Variants in GLIS3 observed in about 807,000 individuals in gnomAD.
GLIS3 encodes the protein GLIS family zinc finger 3.
In GLIS3, 53 loss-of-function variants were observed where a neutral mutation model predicts 78.6. That is an observed-to-expected ratio of 0.67 (90% CI 0.54 to 0.85). GLIS3 has a LOEUF of 0.85. GLIS3 is among the 40% of genes least tolerant of loss of function. The pLI, the probability that GLIS3 is intolerant of heterozygous loss-of-function variation, is 0.00. For missense variants in GLIS3, 1,703 were observed against 1,231.1 expected, an observed-to-expected ratio of 1.38 and a Z score of -5.74; for synonymous variants, 684 against 509.9, an observed-to-expected ratio of 1.34 and a Z score of -4.60.
At chr9:4,269,563 A>G (rs1290214934) in intron 2 of GLIS3, among the ~76,000 whole-genome samples, 1 of 152,170 alleles carries the variant, frequency 6.6e-6, no homozygotes, top group East Asian at 1.9e-4. Flanking sequence ...ATTTTACCTG[A>G]TTTCATATTT....
At chr9:4,434,209 C>G in the GLIS3 span, among the ~76,000 whole-genome samples, 1 of 151,960 alleles carries the variant, frequency 6.6e-6, no homozygotes, top group Non-Finnish European at 1.5e-5. Context: ...AGTTATTTAT[C>G]CATGTATTTA....
At chr9:3,984,869 G>A (rs553437833) in intron 4 of GLIS3, among the ~76,000 whole-genome samples, 6 of 152,230 alleles carry the variant, frequency 3.9e-5, no homozygotes, top group East Asian at 3.9e-4. Flanking sequence ...TGAGTCTCGC[G>A]AGATCTGATG....
At chr9:4,445,891 T>A in the GLIS3 span, among the ~76,000 whole-genome samples, 1 of 152,200 alleles carries the variant, frequency 6.6e-6, no homozygotes, top group African/African-American at 2.4e-5. Context: ...ACCTGTGCCA[T>A]CCAAGAGGAC....
the GLIS3 span, among the ~76,000 whole-genome samples, chr9:4,355,456 T>C: frequency 6.6e-6 from 1 of 152,164 alleles, no homozygotes. Context: ...CTAGGAACAA[T>C]AACTTGGCAC....
intron 9 of GLIS3, among the ~76,000 whole-genome samples, chr9:3,846,865 C>A (rs1316894308): frequency 6.6e-6 from 1 of 152,132 alleles, no homozygotes; most frequent in Non-Finnish European, 1.5e-5. Flanking sequence ...AGGTCTCAGG[C>A]AGATGGTAAG....
the GLIS3 span, among the ~76,000 whole-genome samples, chr9:4,357,942 C>G: frequency 6.6e-6 from 1 of 152,102 alleles, no homozygotes. Flanking sequence ...ATTAGAGGGT[C>G]ATTAAACAAG....
chr9:4,126,119 T>C (rs1832557111), intron 2 of GLIS3, among the ~76,000 whole-genome samples, 178 bp from the exon 3 acceptor site: 1 of 152,090 alleles, frequency 6.6e-6, no homozygotes, highest in Non-Finnish European at 1.5e-5. Context: ...GCCATAACGC[T>C]ATAATAGAAA....
chr9:4,306,226 C>T (rs1417660376), intron 4 of GLIS3, among the ~76,000 whole-genome samples: 4 of 150,284 alleles, frequency 2.7e-5, no homozygotes, highest in East Asian at 2.0e-4. Context: ...ACTACAGGTG[C>T]GTGCCCAGCT....
intron 6 of GLIS3, among the ~76,000 whole-genome samples, chr9:3,915,822 A>G (rs1222711567): frequency 6.6e-6 from 1 of 152,208 alleles, no homozygotes; most frequent in Non-Finnish European, 1.5e-5. Context: ...TTAGTTCACT[A>G]GAAATAAATT....
chr9:4,370,579 G>C, the GLIS3 span, among the ~76,000 whole-genome samples: 1 of 152,062 alleles, frequency 6.6e-6, no homozygotes, highest in Admixed American at 6.5e-5. Flanking sequence ...ATCTGAAACT[G>C]TGCCTCGTGT....
At chr9:4,026,088 G>A (rs1823317132) in intron 4 of GLIS3, among the ~76,000 whole-genome samples, 1 of 152,114 alleles carries the variant, frequency 6.6e-6, no homozygotes, top group Non-Finnish European at 1.5e-5. Flanking sequence ...ATTATAAATA[G>A]TAAAAAACCT....
chr9:4,211,034 G>C (rs1002816769), intron 2 of GLIS3, among the ~76,000 whole-genome samples: 2 of 152,208 alleles, frequency 1.3e-5, no homozygotes, highest in East Asian at 3.9e-4. Context: ...TGTCTTGCAA[G>C]GTTAGGCTGT....
rs1231416662 is a variant in GLIS3, at chr9:4,327,622, C to T, written n.265-17094G>A. On this transcript the variant is annotated intron_variant and non_coding_transcript_variant, in intron 2 of 4. Transcript: ENST00000471664. ...GAGCTCTCTGCTTTGTGAAGCTGGC[C>T]GGAAAGGACCTTCAGACCCACTGAA... 5.3e-5 allele frequency among the ~76,000 whole-genome samples: 8 copies of T among 152,232 alleles called. No individual in the cohort carries two copies. In the East Asian group the frequency reaches 9.7e-4, roughly 18 times the overall value.
chr9:4,059,687 T>A (rs138208115), intron 4 of GLIS3, among the ~76,000 whole-genome samples: 2 of 152,270 alleles, frequency 1.3e-5, no homozygotes, highest in African/African-American at 4.8e-5. Context: ...TAAGTTGGGC[T>A]ACTTTCTTCT....
chr9:4,348,223 C>T (rs1817919708), intron 1 of GLIS3: 1 of 152,142 alleles, frequency 6.6e-6, no homozygotes, highest in South Asian at 2.1e-4. Context: ...AAATATATTT[C>T]TTTCTTACCT....
intron 4 of GLIS3, among the ~76,000 whole-genome samples, chr9:4,020,231 G>A (rs1043379868): frequency 2.0e-5 from 3 of 152,194 alleles, no homozygotes; most frequent in African/African-American, 7.2e-5. Context: ...AGCAGGAACA[G>A]CTGCCCTTGT....
At chr9:3,847,359 C>T (rs1352060198) in intron 9 of GLIS3, among the ~76,000 whole-genome samples, 2 of 152,178 alleles carry the variant, frequency 1.3e-5, no homozygotes, top group African/African-American at 4.8e-5. Context: ...AGCAAAAATC[C>T]CTTTATTCTT....
At chr9:3,981,992 T>G (rs1284084742) in intron 4 of GLIS3, among the ~76,000 whole-genome samples, 2 of 152,074 alleles carry the variant, frequency 1.3e-5, no homozygotes, top group Non-Finnish European at 2.9e-5. Flanking sequence ...TTATTCCACC[T>G]GCAAAGTAAT....
chr9:4,456,333 G>C, the GLIS3 span, among the ~76,000 whole-genome samples: 3 of 152,312 alleles, frequency 2.0e-5, no homozygotes, highest in African/African-American at 7.2e-5. Flanking sequence ...TGGGGTGGCT[G>C]TGGCAATTTC....
Sources: allele counts gnomAD v4.1 joint callset (sites outside exome capture counted in the v4.1 genomes callset), GRCh38; gene constraint gnomAD v4.1.1; transcripts MANE v1.5; gene names NCBI Gene and HGNC (gene_info 2026-07-23, HGNC 2026-07-21).